SHROOM1: variants seen among roughly 807,000 people sequenced by gnomAD.
SHROOM1 encodes the protein protein Shroom1.
A neutral mutation model predicts 64.2 loss-of-function variants in SHROOM1; 53 were observed. The ratio of observed to expected loss-of-function variants is 0.83; its 90% CI spans 0.66 to 1.04. SHROOM1 has a LOEUF of 1.04. Among genes scored for constraint, SHROOM1 ranks in the 50% least tolerant of loss-of-function variants. The pLI is 0.00. For missense variants in SHROOM1, 1,179 were observed against 1,163.2 expected (o/e 1.01, Z -0.20); for synonymous variants, 490 against 518.9 (o/e 0.94, Z 0.76).
intron 1 of SHROOM1, among the ~76,000 whole-genome samples, chr5:132,828,480 C>T (rs534043516): frequency 1.3e-5 from 2 of 152,230 alleles, no homozygotes; most frequent in South Asian, 2.1e-4. Context: ...GGACAGTCCC[C>T]TCATCTAGGA....
chr5:132,824,559 TG>T, intron 6 of SHROOM1, 55 bp downstream of exon 6: 1 of 1,558,672 alleles, frequency 6.4e-7, no homozygotes, highest in Non-Finnish European at 8.7e-7. Context: ...TCTAGCGTTT[TG>T]TAGATGTGTG....
In SHROOM1 at chr5:132,823,037, A is replaced by G; in HGVS notation, c.2318T>C (p.Val773Ala). 2.5e-6 allele frequency: 4 copies of G among 1,599,564 alleles called. No homozygotes were observed. The highest frequency in any genetic ancestry group is 2.5e-6 in the Non-Finnish European group (3 of 1,178,954). The change falls in exon 10 of 10, where the codon GTG becomes GCG. Residue 773 changes from valine to alanine, a missense_variant. Val to Ala is a moderately conservative substitution (Grantham distance 64). Coordinates refer to ENST00000378679, the MANE Select transcript of SHROOM1 (RefSeq NM_001172700.2). This position sits in a 1 kb window ranked among gnomAD's most constrained non-coding sequence, Gnocchi z 4.6. Reference sequence around the variant, plus strand: ...TAGTGCTCGCACCAGCACCTCCCGCACGGCCCGCTCGCGCCGCGCTACGTG... The same window carrying G: ...TAGTGCTCGCACCAGCACCTCCCGCGCGGCCCGCTCGCGCCGCGCTACGTG... ...KEHVARRERA[V>A]REVLVRALPV...
rs1302972571 is a variant in SHROOM1, at chr5:132,825,315, G to C, written c.826C>G (p.Leu276Val). The change falls in exon 4 of 10, where the codon CTG becomes GTG. Residue 276 changes from leucine to valine, a missense_variant. Leu to Val is a conservative substitution (Grantham distance 32). Coordinates refer to ENST00000378679, the MANE Select transcript of SHROOM1 (RefSeq NM_001172700.2). This position sits in a 1 kb window ranked among gnomAD's most constrained non-coding sequence, Gnocchi z 5.1. ...GAGCCTTGGGGTTGCGTCTCGGGCA[G>C]CCATCCGACCTCGTGATCTTCAAAC... ...AKFEDHEVGW[L>V]PETQPQGSMN... 2 of 1,610,098 alleles carry C rather than the reference G, an allele frequency of 1.2e-6. No homozygotes were observed. Among genetic ancestry groups the C allele is most frequent in the Admixed American group, 3.3e-5 (2 of 59,918 alleles).
rs1222159083 is a variant in SHROOM1, at chr5:132,823,207, G to A, written c.2226+43C>T. 2 of 1,561,696 alleles carry A rather than the reference G, an allele frequency of 1.3e-6. No individual in the cohort carries two copies. Among genetic ancestry groups the A allele is most frequent in the Non-Finnish European group, 1.7e-6 (2 of 1,161,560 alleles). ...GAATGGTTCCAGCCGGAGACAGCAG[G>A]CCCCTCACCGCCCTACTCGCTTGCA... On this transcript the variant is annotated intron_variant, in intron 9 of 9. Transcript: ENST00000378679. This position sits in a 1 kb window ranked among gnomAD's most constrained non-coding sequence, Gnocchi z 4.6.
rs1758572493 is a variant in SHROOM1 at position 132,824,216 on chromosome 5, A to G, written c.1445T>C (p.Ile482Thr). 5 of 1,614,126 alleles carry G rather than the reference A, an allele frequency of 3.1e-6. No individual in the cohort carries two copies. The highest frequency in any genetic ancestry group is 2.2e-5 in the East Asian group (1 of 44,878). Residue 482 changes from isoleucine (I) to threonine (T), a missense_variant, in exon 7 of 10, where the codon ATT becomes ACT. Physicochemically the swap from Ile to Thr is moderately conservative, Grantham distance 89. Transcript: ENST00000378679. The part of the protein sequence containing the change: ...TGTANDNIPT[I>T]DPTGLTTNPP... ...ATTGGTGGTCAGTCCAGTGGGGTCA[A>G]TAGTTGGGATGTTATCATTTGCAGT...
intron 1 of SHROOM1, among the ~76,000 whole-genome samples, chr5:132,827,850 G>C (rs1758751169): frequency 2.6e-5 from 4 of 152,116 alleles, no homozygotes. Context: ...TGCAATATTA[G>C]GTACGAACAG....
chr5:132,825,166 G>A lies in SHROOM1; in HGVS notation c.975C>T (p.Val325=), dbSNP rs1166202072. ...WGGSGGTIPI[V]QAVPQGAETP... is the part of the protein sequence containing the mutation. ...CTGCATCTCCTGACTTCCATACCTG[G>A]ACAATGGGTATGGTCCCTCCTGATC... Residue 325 remains valine, a synonymous_variant, in exon 4 of 10, where the codon GTC becomes GTT. Transcript: ENST00000378679. The surrounding 1 kb of genome is among the most constrained non-coding windows in gnomAD (Gnocchi z 5.1). The A allele has an allele frequency of 6.2e-7, 1 of 1,614,148 alleles. No homozygotes were observed. Among genetic ancestry groups the A allele is most frequent in the Non-Finnish European group, 8.5e-7 (1 of 1,180,032 alleles).
intron 1 of SHROOM1, among the ~76,000 whole-genome samples, chr5:132,827,935 A>G (rs540573614): frequency 2.4e-4 from 37 of 152,142 alleles, no homozygotes; most frequent in African/African-American, 8.4e-4. Flanking sequence ...GATCAAGGGT[A>G]AGAGTTGAGT....
intron 6 of SHROOM1, 58 bp from the exon 7 acceptor site, chr5:132,824,477 C>G: frequency 6.6e-7 from 1 of 1,521,280 alleles, no homozygotes; most frequent in Non-Finnish European, 8.8e-7. Context: ...AAATGGTGGC[C>G]TCCAAGGGCC....
chr5:132,829,651 G>A, intron 1 of SHROOM1: 1 of 985,438 alleles, frequency 1.0e-6, no homozygotes, highest in Non-Finnish European at 1.2e-6. Flanking sequence ...GGGCTATCCA[G>A]GCCGCCCCTC....
Position 132,823,300 on chromosome 5 carries a change from C to T in SHROOM1, c.2176G>A (p.Val726Met). 6.2e-7 allele frequency: 1 copy of T among 1,601,648 alleles called. No homozygotes were observed. The change falls in exon 9 of 10, where the codon GTG becomes ATG. Residue 726 changes from valine to methionine, a missense_variant. By Grantham distance (21) the Val-to-Met change is conservative. Transcript: ENST00000378679. The surrounding 1 kb of genome is among the most constrained non-coding windows in gnomAD (Gnocchi z 4.6). ...LLLLGSRLAR[V>M]RRALARAASD... ...GCCGCCCGGGCCAGGGCGCGGCGCA[C>T]GCGCGCCAGGCGACTGCCCAGCAGC...
At position 132,824,614 on chromosome 5, in the gene SHROOM1, C is replaced by A; in HGVS notation, c.1241+1G>T. 1 of 1,605,534 alleles carries A rather than the reference C, an allele frequency of 6.2e-7. No individual in the cohort carries two copies. Among genetic ancestry groups the A allele is most frequent in the South Asian group, 1.1e-5 (1 of 90,872 alleles). ...GATGCTTGGAAGCAAGAGGGAATTA[C>A]CTGGCTGGGGGCCCCTGGGAGGCAT... On this transcript the variant is annotated splice_donor_variant, in intron 6 of 9. Coordinates refer to ENST00000378679, the MANE Select transcript of SHROOM1 (RefSeq NM_001172700.2). LOFTEE classifies it high-confidence loss of function.
rs2150030663 is a variant in SHROOM1, at chr5:132,825,790, C to T, written c.351G>A (p.Ala117=). 8.0e-7 allele frequency: 1 copy of T among 1,244,876 alleles called. No homozygotes were observed. Among genetic ancestry groups the T allele is most frequent in the South Asian group, 3.7e-5 (1 of 26,884 alleles). The allele number at this position is 1,244,876 out of a possible 1,614,324, so 77.1% of individuals were successfully genotyped here. The stretch of plus-strand genomic sequence containing the variant: ...CCGCGGCCTCCGCCTCGGCCGCCAG[C>T]GCGTACAGCAGCGGGGTGGCCTGCC... ...LNRQATPLLY[A]LAAEAEAAAQ... The change falls in exon 4 of 10, where the codon GCG becomes GCA. Residue 117 remains alanine (A), a synonymous_variant. Coordinates refer to ENST00000378679, the MANE Select transcript of SHROOM1 (RefSeq NM_001172700.2). This position sits in a 1 kb window ranked among gnomAD's most constrained non-coding sequence, Gnocchi z 5.1.
At chr5:132,824,867 T>C in intron 5 of SHROOM1, 46 bp from the exon 6 acceptor site, 1 of 1,609,552 alleles carries the variant, frequency 6.2e-7, no homozygotes, top group Non-Finnish European at 8.5e-7. Context: ...GGAAGGAAGC[T>C]CTTGGTGTTG....
Position 132,830,062 on chromosome 5 carries a change from G to T in SHROOM1, c.-501+532C>A, listed in dbSNP as rs1251337608. 1 of 985,248 alleles carries T rather than the reference G, an allele frequency of 1.0e-6. No individual in the cohort carries two copies. The highest frequency in any genetic ancestry group is 1.7e-5 in the African/African-American group (1 of 57,228). The allele number at this position is 985,248 out of a possible 1,614,324, so 61.0% of individuals were successfully genotyped here. ...TCAATCTCTGGGAGCCGAGGCACGG[G>T]AGGGAGAGAGGCGCAGGCCCCGGCG... On this transcript the variant is annotated intron_variant, in intron 1 of 9. Coordinates refer to ENST00000378679, the MANE Select transcript of SHROOM1 (RefSeq NM_001172700.2). This position sits in a 1 kb window ranked among gnomAD's most constrained non-coding sequence, Gnocchi z 5.9.
In SHROOM1 at chr5:132,825,429, GCCCACCGCCCCGA is replaced by G. The variant is rs1758644435; in HGVS notation, c.699_711del (p.Gly235ArgfsTer47). On this transcript the variant is annotated frameshift_variant, in exon 4 of 10. Transcript: ENST00000378679. LOFTEE classifies it high-confidence loss of function. This position sits in a 1 kb window ranked among gnomAD's most constrained non-coding sequence, Gnocchi z 5.1. The stretch of plus-strand genomic sequence containing the variant: ...GCCTCACCCAGGCATTCCCGCGCCG[GCCCACCGCCCCGA>G]CCCACACGATCCAGCTTTCCTGGCT... 1.9e-6 allele frequency: 3 copies of G among 1,591,778 alleles called. No individual in the cohort carries two copies. In the East Asian group the frequency reaches 6.7e-5, roughly 36 times the overall value.
rs1188097489 is a variant in SHROOM1 at position 132,823,272 on chromosome 5, G to A, written c.2204C>T (p.Ser735Leu). The change falls in exon 9 of 10, where the codon TCA becomes TTA. Residue 735 changes from serine to leucine, a missense_variant. Transcript: ENST00000378679. The surrounding 1 kb of genome is among the most constrained non-coding windows in gnomAD (Gnocchi z 4.6). ...TACCTGCTCATCAGGGTCGCTGTCT[G>A]AGGCCGCCCGGGCCAGGGCGCGGCG... is the stretch of plus-strand genomic sequence containing the variant. ...RVRRALARAASDSDPDEQASL... is the reference protein window; with the variant it reads ...RVRRALARAALDSDPDEQASL... The A allele has an allele frequency of 6.3e-7, 1 of 1,598,888 alleles. No individual in the cohort carries two copies. Among genetic ancestry groups the A allele is most frequent in the Non-Finnish European group, 8.5e-7 (1 of 1,178,344 alleles).
In SHROOM1 at chr5:132,825,251, G is replaced by A; in HGVS notation, c.890C>T (p.Ala297Val). The change falls in exon 4 of 10, where the codon GCC becomes GTC. Residue 297 changes from alanine (A) to valine (V), a missense_variant. Ala to Val is a moderately conservative substitution (Grantham distance 64). Transcript: ENST00000378679. The surrounding 1 kb of genome is among the most constrained non-coding windows in gnomAD (Gnocchi z 5.1). ...CCGACTCCGACTGGCGGGCCTGAAG[G>A]CATCACCGAGCTTCAAGGACCCGGA... is the stretch of plus-strand genomic sequence containing the variant. ...LDSGSLKLGDAFRPASRSRSA... is the reference protein window; with the variant it reads ...LDSGSLKLGDVFRPASRSRSA... The A allele has an allele frequency of 5.0e-6, 8 of 1,613,798 alleles. No individual in the cohort carries two copies. Among genetic ancestry groups the A allele is most frequent in the Non-Finnish European group, 6.8e-6 (8 of 1,179,972 alleles).
Position 132,830,032 on chromosome 5 carries a change from G to A in SHROOM1, c.-501+562C>T, listed in dbSNP as rs1264437641. 25 of 985,296 alleles carry A rather than the reference G, an allele frequency of 2.5e-5. No individual in the cohort carries two copies. The highest frequency in any genetic ancestry group is 3.0e-5 in the Non-Finnish European group (25 of 829,922). The allele number at this position is 985,296 out of a possible 1,614,324, so 61.0% of individuals were successfully genotyped here. A position where few individuals can be genotyped will look rare whatever the true frequency, so the allele number is the denominator to read the frequency against. On this transcript the variant is annotated intron_variant, in intron 1 of 9. Coordinates refer to ENST00000378679, the MANE Select transcript of SHROOM1 (RefSeq NM_001172700.2). This position sits in a 1 kb window ranked among gnomAD's most constrained non-coding sequence, Gnocchi z 5.9. ...CGGGCGTGGACAGACCCGGTTACCT[G>A]GGGTTCAATCTCTGGGAGCCGAGGC...
Sources: allele counts gnomAD v4.1 joint callset (sites outside exome capture counted in the v4.1 genomes callset), GRCh38; gene constraint gnomAD v4.1.1; non-coding constraint Gnocchi (gnomAD v3.1); transcripts MANE v1.5; gene names NCBI Gene and HGNC (gene_info 2026-07-23, HGNC 2026-07-21).